Variants in CCDC60 observed in about 807,000 individuals in gnomAD.
The protein encoded by CCDC60 is coiled-coil domain containing 60.
CCDC60 carries 54 observed loss-of-function variants against 63.5 expected under a neutral mutation model. The ratio of observed to expected loss-of-function variants is 0.85; its 90% CI spans 0.68 to 1.07. CCDC60 has a LOEUF of 1.07. Ranked by LOEUF, CCDC60 falls within the 50% of genes least tolerant of loss-of-function variation. The pLI, the probability that CCDC60 is intolerant of heterozygous loss-of-function variation, is 0.00. For synonymous variants in CCDC60, 206 were observed against 238.8 expected (o/e 0.86, Z 1.27); for missense variants, 651 against 684.3 (o/e 0.95, Z 0.54).
chr12:119,465,694 G>GT (rs1187616331), intron 2 of CCDC60, among the ~76,000 whole-genome samples: 4 of 151,594 alleles, frequency 2.6e-5, no homozygotes, highest in African/African-American at 9.7e-5. Flanking sequence ...GGAGATGGAG[G>GT]TTAGTGTGAG....
At chr12:119,444,922 A>C (rs554947398) in intron 2 of CCDC60, among the ~76,000 whole-genome samples, 1 of 152,046 alleles carries the variant, frequency 6.6e-6, no homozygotes, top group Non-Finnish European at 1.5e-5. Flanking sequence ...GGAAGAGCAA[A>C]ATGGCTTTTT....
At chr12:119,401,519 C>T (rs1303955957) in intron 1 of CCDC60, among the ~76,000 whole-genome samples, 2 of 152,238 alleles carry the variant, frequency 1.3e-5, no homozygotes, top group Non-Finnish European at 2.9e-5. Flanking sequence ...ATCTCAGCAT[C>T]TCTTTCTACG....
intron 1 of CCDC60, among the ~76,000 whole-genome samples, chr12:119,371,643 G>A (rs976194897): frequency 1.3e-5 from 2 of 152,210 alleles, no homozygotes; most frequent in Non-Finnish European, 2.9e-5. Context: ...CTCCCAAGTT[G>A]CTGTTTCAAT....
chr12:119,417,397 T>C (rs1188134429), intron 1 of CCDC60, among the ~76,000 whole-genome samples: 2 of 152,192 alleles, frequency 1.3e-5, no homozygotes, highest in African/African-American at 4.8e-5. Flanking sequence ...TGGTTTATCT[T>C]TACTTTTTGG....
At chr12:119,482,541 C>G (rs1158187833) in intron 4 of CCDC60, among the ~76,000 whole-genome samples, 1 of 152,154 alleles carries the variant, frequency 6.6e-6, no homozygotes, top group Non-Finnish European at 1.5e-5. Context: ...ATTTACAAAA[C>G]CAAAGTGGCA....
At chr12:119,479,260 G>A (rs1308963042) in intron 4 of CCDC60, 59 bp downstream of exon 4, 1 of 1,216,980 alleles carries the variant, frequency 8.2e-7, no homozygotes. Context: ...AAGCCGAACT[G>A]AAATGACTCA....
At chr12:119,502,263 T>C (rs1951872615) in intron 6 of CCDC60, among the ~76,000 whole-genome samples, 1 of 152,196 alleles carries the variant, frequency 6.6e-6, no homozygotes, top group Admixed American at 6.5e-5. Context: ...AAAACTTACA[T>C]TTTTATATAA....
At position 119,453,275 on chromosome 12, in the gene CCDC60, T is replaced by A. The variant is rs575181517; in HGVS notation, c.171-18719T>A. Among the ~76,000 whole-genome samples, 6 of 152,326 alleles carry A rather than the reference T, an allele frequency of 3.9e-5. No individual in the cohort carries two copies. The South Asian group carries it at 1.2e-3, about 32-fold the overall frequency. Reference sequence around the variant, plus strand: ...TGATATGGGATCTTCAGATTCTTCTTTCCATTTCTTTATCCTCCCCTCTTC... The same window carrying A: ...TGATATGGGATCTTCAGATTCTTCTATCCATTTCTTTATCCTCCCCTCTTC... On this transcript the variant is annotated intron_variant, in intron 2 of 13. Coordinates refer to ENST00000327554, the MANE Select transcript of CCDC60 (RefSeq NM_178499.5).
intron 7 of CCDC60, among the ~76,000 whole-genome samples, chr12:119,510,488 T>C (rs1952186036): frequency 6.6e-6 from 1 of 152,190 alleles, no homozygotes; most frequent in Non-Finnish European, 1.5e-5. Context: ...TCTTGTCTCT[T>C]AGTAGTTGGT....
At chr12:119,393,523 A>C in intron 1 of CCDC60, among the ~76,000 whole-genome samples, 1 of 152,232 alleles carries the variant, frequency 6.6e-6, no homozygotes, top group East Asian at 1.9e-4. Context: ...GGAGATTTGT[A>C]CCTGCATTAA....
chr12:119,372,967 T>A (rs1955912873), intron 1 of CCDC60, among the ~76,000 whole-genome samples: 1 of 152,180 alleles, frequency 6.6e-6, no homozygotes, highest in Admixed American at 6.5e-5. Context: ...GGTTTTTTGT[T>A]TAACGTTACT....
chr12:119,416,286 G>A (rs1956697497), intron 1 of CCDC60, among the ~76,000 whole-genome samples: 1 of 152,094 alleles, frequency 6.6e-6, no homozygotes, highest in African/African-American at 2.4e-5. Flanking sequence ...GGCTGAGGCA[G>A]GAGAATTGCT....
Position 119,500,078 on chromosome 12 carries a change from G to A in CCDC60, c.558G>A (p.Lys186=), listed in dbSNP as rs1334681556. 1 of 1,608,784 alleles carries A rather than the reference G, an allele frequency of 6.2e-7. No homozygotes were observed. Among genetic ancestry groups the A allele is most frequent in the African/African-American group, 1.3e-5 (1 of 74,786 alleles). Residue 186 remains lysine, a splice_region_variant and synonymous_variant, in exon 6 of 14, where the codon AAG becomes AAA. Coordinates refer to ENST00000327554, the MANE Select transcript of CCDC60 (RefSeq NM_178499.5). The part of the protein sequence containing the change: ...MKPVITCWNP[K]DPGGSKSTIK... Reference sequence around the variant, plus strand: ...ACTCATTAAGCTGTTTCTCACTCAGGGACCCGGGTGGAAGCAAGAGCACCA... The same window carrying A: ...ACTCATTAAGCTGTTTCTCACTCAGAGACCCGGGTGGAAGCAAGAGCACCA...
chr12:119,360,917 C>T lies in CCDC60; in HGVS notation c.90+25651C>T, dbSNP rs1285158527. Among the ~76,000 whole-genome samples, 7 of 152,174 alleles carry T rather than the reference C, an allele frequency of 4.6e-5. No individual in the cohort carries two copies. In the South Asian group the frequency reaches 6.2e-4, roughly 14 times the overall value. ...GGGAGGCCGAGGCTGGCGGATCACT[C>T]GCGGTTAGGAGCTGGAGACCAGCCC... On this transcript the variant is annotated intron_variant, in intron 1 of 13. Transcript: ENST00000327554.
At chr12:119,366,144 G>A (rs568175673) in intron 1 of CCDC60, among the ~76,000 whole-genome samples, 1 of 152,148 alleles carries the variant, frequency 6.6e-6, no homozygotes, top group Admixed American at 6.5e-5. Context: ...AGGGTAGATG[G>A]TTTATCACCG....
At chr12:119,354,733 G>T (rs183102323) in intron 1 of CCDC60, among the ~76,000 whole-genome samples, 4 of 152,300 alleles carry the variant, frequency 2.6e-5, no homozygotes, top group African/African-American at 9.6e-5. Context: ...TCTTCATTTT[G>T]CAAAGGCTGG....
chr12:119,513,073 C>A (rs1952255953), intron 7 of CCDC60, among the ~76,000 whole-genome samples: 2 of 152,156 alleles, frequency 1.3e-5, no homozygotes. Flanking sequence ...GATGTTTCAG[C>A]ACCGTGGACA....
intron 1 of CCDC60, among the ~76,000 whole-genome samples, chr12:119,406,178 TATATATATATATAG>T (rs1956485591): frequency 1.1e-5 from 1 of 88,670 alleles, no homozygotes; most frequent in Admixed American, 1.2e-4. Flanking sequence ...TCTCAAAAAA[TATATATATATATAG>T]ATATATATAT....
At chr12:119,392,530 C>T (rs1419928229) in intron 1 of CCDC60, among the ~76,000 whole-genome samples, 8 of 152,162 alleles carry the variant, frequency 5.3e-5, no homozygotes, top group Admixed American at 5.2e-4. Flanking sequence ...ATGAGAGATG[C>T]CATGCCAAGT....
Sources: allele counts gnomAD v4.1 joint callset (sites outside exome capture counted in the v4.1 genomes callset), GRCh38; gene constraint gnomAD v4.1.1; transcripts MANE v1.5; gene names NCBI Gene and HGNC (gene_info 2026-07-23, HGNC 2026-07-21).